NEB: variants seen among roughly 807,000 people sequenced by gnomAD.
NEB encodes nebulin, also known as nemaline myopathy type 2.
NEB carries 512 observed loss-of-function variants against 952.2 expected under a neutral mutation model. The observed-to-expected ratio is 0.54, with a 90% CI of 0.50 to 0.58. NEB has a LOEUF of 0.58. NEB is among the 20% of genes least tolerant of loss of function. NEB has a pLI of 0.00. For synonymous variants in NEB, 2,900 were observed against 3,149.8 expected, an observed-to-expected ratio of 0.92 and a Z score of 2.66; for missense variants, 8,428 against 9,231.1, an observed-to-expected ratio of 0.91 and a Z score of 3.56.
intron 175 of NEB, 67 bp from the exon 176 acceptor site, chr2:151,493,512 G>T: frequency 1.9e-6 from 2 of 1,062,182 alleles, no homozygotes; most frequent in Non-Finnish European, 2.7e-6. Context: ...TCATCACTTA[G>T]CTGGTGTTAT....
intron 176 of NEB, 45 bp downstream of exon 176, chr2:151,493,308 A>G: frequency 7.1e-7 from 1 of 1,412,422 alleles, no homozygotes; most frequent in Admixed American, 1.8e-5. Flanking sequence ...TTAAAATGTT[A>G]TTTTCCAAGT....
chr2:151,694,608 C>G lies in NEB; in HGVS notation c.1696G>C (p.Glu566Gln), dbSNP rs760795493. 5.7e-6 allele frequency: 9 copies of G among 1,591,510 alleles called. No homozygotes were observed. In the East Asian group the frequency reaches 1.8e-4, roughly 32 times the overall value. Reference sequence around the variant, plus strand: ...TCAAACTTTTTGGCTTTGCTCTTCTCCCAGTCTTGCTTATAAAGATTCTGG... The same window carrying G: ...TCAAACTTTTTGGCTTTGCTCTTCTGCCAGTCTTGCTTATAAAGATTCTGG... ...LSDNLYKQDW[E>Q]KSKAKKFDIK... is the part of the protein sequence containing the mutation. Residue 566 changes from glutamate (E) to glutamine (Q), a missense_variant, in exon 19 of 182, where the codon GAG (glutamate) becomes CAG (glutamine). Around this residue, in one of 11 missense-constraint regions of NEB, gnomAD observed 2,851 missense variants for 2,791.5 expected, o/e 1.02. Transcript: ENST00000397345.
intron 153 of NEB, 29 bp from the exon 154 acceptor site, chr2:151,519,797 T>C (rs1423356324): frequency 7.1e-7 from 1 of 1,413,882 alleles, no homozygotes; most frequent in African/African-American, 1.4e-5. Context: ...ATCCAAATTA[T>C]TCCTGGACAT....
At position 151,496,298 on chromosome 2, in the gene NEB, T is replaced by C; in HGVS notation, c.24464A>G (p.His8155Arg). ...AVTPEMERVK[H>R]NQENISSVLY... is the part of the protein sequence containing the mutation. ...TACCGAGCTAATATTTTCTTGATTG[T>C]GTTTGACTCGCTCCATCTCGGGAGT... The change falls in exon 173 of 182, where the codon CAC becomes CGC. Residue 8155 changes from histidine (H) to arginine (R), a missense_variant. His to Arg is a conservative substitution (Grantham distance 29). Transcript: ENST00000397345. The C allele has an allele frequency of 6.2e-7, 1 of 1,611,214 alleles. No individual in the cohort carries two copies. The highest frequency in any genetic ancestry group is 1.1e-5 in the South Asian group (1 of 90,540).
Position 151,614,454 on chromosome 2 carries a change from A to G in NEB, c.11423T>C (p.Phe3808Ser), listed in dbSNP as rs201416685. 126 of 1,613,666 alleles carry G rather than the reference A, an allele frequency of 7.8e-5. No individual in the cohort carries two copies. In the East Asian group the frequency reaches 2.8e-3, roughly 36 times the overall value. Reference sequence around the variant, plus strand: ...GCTGAACTTGGTCTTCCACTTCTCAAACTCCTTCTTGTACTCCCTGTCACT... The same window carrying G: ...GCTGAACTTGGTCTTCCACTTCTCAGACTCCTTCTTGTACTCCCTGTCACT... ...IQSDREYKKE[F>S]EKWKTKFSSP... Residue 3808 changes from phenylalanine (F) to serine (S), a missense_variant, in exon 77 of 182, where the codon TTT (phenylalanine) becomes TCT (serine). Physicochemically the swap from Phe to Ser is radical, Grantham distance 155 (BLOSUM62 -2). Around this residue, in one of 11 missense-constraint regions of NEB, gnomAD observed 1,772 missense variants for 1,960.3 expected, o/e 0.90. Transcript: ENST00000397345.
intron 58 of NEB, 113 bp from the exon 59 acceptor site, chr2:151,642,982 G>A (rs931304864): frequency 2.6e-5 from 31 of 1,171,156 alleles, no homozygotes; most frequent in South Asian, 2.0e-4. Context: ...CGGTATTTGT[G>A]ACATTTTCAG....
intron 71 of NEB, among the ~76,000 whole-genome samples, chr2:151,623,717 G>T (rs369707120): frequency 6.6e-6 from 1 of 152,008 alleles, no homozygotes; most frequent in African/African-American, 2.4e-5. Flanking sequence ...ATTCCAGAGG[G>T]AATCTGTTTT....
intron 153 of NEB, 111 bp from the exon 154 acceptor site, chr2:151,519,879 A>T: frequency 1.5e-6 from 1 of 680,228 alleles, no homozygotes; most frequent in Non-Finnish European, 2.6e-6. Flanking sequence ...TAGAGTGATC[A>T]TATAATCTAT....
intron 135 of NEB, among the ~76,000 whole-genome samples, chr2:151,545,202 C>T (rs1381126791): frequency 6.6e-6 from 1 of 152,240 alleles, no homozygotes; most frequent in African/African-American, 2.4e-5. Context: ...CACTGCCATG[C>T]TCGGGGCTCC....
rs779804178 is a variant in NEB, at chr2:151,672,672, GTA to G, written c.3994_3995del (p.Tyr1332GlnfsTer5). The G allele has an allele frequency of 6.2e-7, 1 of 1,610,784 alleles. No individual in the cohort carries two copies. The highest frequency in any genetic ancestry group is 8.5e-7 in the Non-Finnish European group (1 of 1,177,744). The stretch of plus-strand genomic sequence containing the variant: ...CCTTTGACTTCTCATAAGCTTCCTT[GTA>G]TTTATACTGTGGAGGCAGAATTGGG... ...ASRNIASDYK[Y>X]KEAYEKSKGK... On this transcript the variant is annotated frameshift_variant, in exon 37 of 182. Transcript: ENST00000397345. LOFTEE classifies it high-confidence loss of function.
At chr2:151,488,689 A>G (rs766015153) in intron 181 of NEB, among the ~76,000 whole-genome samples, 2 of 152,078 alleles carry the variant, frequency 1.3e-5, no homozygotes, top group Non-Finnish European at 2.9e-5. Flanking sequence ...TTGTACTTCT[A>G]CAATTTTGTA....
At chr2:151,642,922 T>G in intron 58 of NEB, 53 bp from the exon 59 acceptor site, 4 of 1,383,182 alleles carry the variant, frequency 2.9e-6, no homozygotes, top group African/African-American at 2.9e-5. Context: ...AATAGACACA[T>G]GCAGACAGTC....
chr2:151,725,381 T>C (rs2099787373), intron 6 of NEB, 72 bp downstream of exon 6: 1 of 1,234,152 alleles, frequency 8.1e-7, no homozygotes, highest in African/African-American at 1.5e-5. Context: ...AGCACATATT[T>C]AGAGCCCACA....
At chr2:151,547,178 T>C (rs531833307) in intron 133 of NEB, among the ~76,000 whole-genome samples, 67 of 152,222 alleles carry the variant, frequency 4.4e-4, no homozygotes, top group Non-Finnish European at 7.4e-4. Context: ...ATGTTGAATG[T>C]AGAATGGTGG....
chr2:151,671,424 C>A, intron 37 of NEB, 195 bp from the exon 38 acceptor site: 1 of 527,438 alleles, frequency 1.9e-6, no homozygotes, highest in Non-Finnish European at 3.3e-6. Flanking sequence ...TTATACAACA[C>A]AGAAGGGAAT....
At chr2:151,645,949 G>A (rs949382769) in intron 55 of NEB, among the ~76,000 whole-genome samples, 181 bp downstream of exon 55, 6 of 152,188 alleles carry the variant, frequency 3.9e-5, no homozygotes, top group Non-Finnish European at 8.8e-5. Flanking sequence ...CATTCTGCCT[G>A]ACATAGTGAG....
Position 151,650,793 on chromosome 2 carries a change from A to T in NEB, c.7008T>A (p.Asn2336Lys). The change falls in exon 53 of 182, where the codon AAT becomes AAA. Residue 2336 changes from asparagine to lysine, a missense_variant. Around this residue, in one of 11 missense-constraint regions of NEB, gnomAD observed 1,772 missense variants for 1,960.3 expected, o/e 0.90. Transcript: ENST00000397345. Reference protein sequence around the residue: ...QDDPKLVLSMNVAKMQSEREY... With the variant: ...QDDPKLVLSMKVAKMQSEREY... ...CTCTTTCACTCTGCATTTTGGCTAC[A>T]TTCATGGACAACACAAGTTTTGGGT... 6.2e-7 allele frequency: 1 copy of T among 1,613,928 alleles called. No individual in the cohort carries two copies.
rs892868285 is a variant in NEB at position 151,630,202 on chromosome 2, C to G, written c.9723+513G>C. The stretch of plus-strand genomic sequence containing the variant: ...TTTTGGTTGTATCATATTAATAAAC[C>G]ACGTGTCTATAAAATTGCATTTTAC... On this transcript the variant is annotated intron_variant, in intron 67 of 181. Transcript: ENST00000397345. Among the ~76,000 whole-genome samples the G allele has an allele frequency of 1.3e-5, 2 of 151,880 alleles. 1 individual carries two copies. The highest frequency in any genetic ancestry group is 4.2e-4 in the South Asian group (2 of 4,806).
intron 56 of NEB, 46 bp from the exon 57 acceptor site, chr2:151,644,175 T>A: frequency 6.3e-7 from 1 of 1,594,222 alleles, no homozygotes; most frequent in Non-Finnish European, 8.6e-7. Context: ...TTTACTTCTG[T>A]TGCCATCTTT....
Sources: allele counts gnomAD v4.1 joint callset (sites outside exome capture counted in the v4.1 genomes callset), GRCh38; gene constraint gnomAD v4.1.1; regional missense constraint gnomAD v4.1.1; transcripts MANE v1.5; gene names NCBI Gene and HGNC (gene_info 2026-07-23, HGNC 2026-07-21).